ZNF841: variants seen among roughly 807,000 people sequenced by gnomAD.
The protein encoded by ZNF841 is TCONS_00006091.
In ZNF841, 11 loss-of-function variants were observed where a neutral mutation model predicts 13.0. The observed-to-expected ratio is 0.85, with a 90% CI of 0.53 to 1.40. The LOEUF (loss-of-function observed/expected upper bound fraction) is 1.40, where lower values mean the gene tolerates loss of function less well. ZNF841 is among the 40% of genes most tolerant of loss of function. The pLI is 0.00. For missense variants in ZNF841, 1,068 were observed against 1,139.5 expected, an observed-to-expected ratio of 0.94 and a Z score of 0.90; for synonymous variants, 369 against 381.6, an observed-to-expected ratio of 0.97 and a Z score of 0.38.
chr19:52,077,759 T>G (rs1320144425), intron 4 of ZNF841, among the ~76,000 whole-genome samples: 1 of 152,208 alleles, frequency 6.6e-6, no homozygotes, highest in Non-Finnish European at 1.5e-5. Context: ...TCTTTCTGTG[T>G]GGCTATAACG....
chr19:52,072,927 T>G (rs1388106238), intron 6 of ZNF841, among the ~76,000 whole-genome samples: 17 of 151,764 alleles, frequency 1.1e-4, no homozygotes, highest in Admixed American at 1.1e-3. Context: ...AAAATGAAAA[T>G]AGAACATACC....
intron 2 of ZNF841, among the ~76,000 whole-genome samples, chr19:52,090,630 AGAAGGAAGGAAG>A (rs781211199): frequency 1.1e-5 from 1 of 90,562 alleles, no homozygotes. Context: ...AAAGAAAGAA[AGAAGGAAGGAAG>A]GAAGGAAGGA....
chr19:52,081,991 G>A (rs960055569), intron 4 of ZNF841, among the ~76,000 whole-genome samples: 10 of 152,148 alleles, frequency 6.6e-5, no homozygotes, highest in Middle Eastern at 3.4e-3. Context: ...TGACACGGAG[G>A]AAAACAAAAA....
In ZNF841 at chr19:52,066,365, A is replaced by T. The variant is rs566077651; in HGVS notation, c.1517T>A (p.Val506Asp). The T allele has an allele frequency of 1.2e-6, 2 of 1,613,812 alleles. No homozygotes were observed. The highest frequency in any genetic ancestry group is 8.5e-7 in the Non-Finnish European group (1 of 1,179,928). Residue 506 changes from valine (V) to aspartate (D), a missense_variant, in exon 7 of 7, where the codon GTT becomes GAT. Coordinates refer to ENST00000594440, the MANE Select transcript of ZNF841 (RefSeq NM_001136499.2). ...QHSHLAVHQRVHTGEKPYKCN... is the reference protein window; with the variant it reads ...QHSHLAVHQRDHTGEKPYKCN... The stretch of plus-strand genomic sequence containing the variant: ...TTTGTAAGGTTTCTCTCCAGTATGA[A>T]CTCTCTGATGCACTGCAAGATGTGA...
chr19:52,075,834 G>A (rs561463447), intron 6 of ZNF841, among the ~76,000 whole-genome samples: 2 of 152,304 alleles, frequency 1.3e-5, no homozygotes, highest in African/African-American at 4.8e-5. Context: ...TAACAGTCTT[G>A]TACTTTGCTC....
At chr19:52,083,442 A>C (rs2088165033) in intron 4 of ZNF841, among the ~76,000 whole-genome samples, 1 of 150,770 alleles carries the variant, frequency 6.6e-6, no homozygotes, top group African/African-American at 2.4e-5. Context: ...AAAAAAAAAA[A>C]TACTACTATG....
chr19:52,083,912 T>C (rs1405623743), intron 4 of ZNF841, among the ~76,000 whole-genome samples: 1 of 151,936 alleles, frequency 6.6e-6, no homozygotes, highest in African/African-American at 2.4e-5. Flanking sequence ...ACCATCCTTA[T>C]GTTGCATCAC....
At chr19:52,064,203 G>A (rs1443804909), downstream of ZNF841, among the ~76,000 whole-genome samples, 6 of 151,592 alleles carry the variant, frequency 4.0e-5, no homozygotes, top group Admixed American at 1.3e-4. Context: ...AAAATTAGCC[G>A]GGCGCGGTGG....
chr19:52,070,621 T>A (rs542110444), intron 6 of ZNF841, among the ~76,000 whole-genome samples: 1 of 152,278 alleles, frequency 6.6e-6, no homozygotes, highest in African/African-American at 2.4e-5. Flanking sequence ...GATAAACAGT[T>A]TGCTGTTTGA....
downstream of ZNF841, among the ~76,000 whole-genome samples, chr19:52,061,793 A>G (rs1165756361): frequency 6.6e-6 from 1 of 152,066 alleles, no homozygotes; most frequent in Non-Finnish European, 1.5e-5. Context: ...TGATCTGCCC[A>G]GCTCGGCCTC....
At position 52,066,894 on chromosome 19, in the gene ZNF841, A is replaced by C; in HGVS notation, c.988T>G (p.Ser330Ala). Residue 330 changes from serine (S) to alanine (A), a missense_variant, in exon 7 of 7, where the codon TCA (serine) becomes GCA (alanine). By Grantham distance (99) the Ser-to-Ala change is moderately conservative (BLOSUM62 1). Coordinates refer to ENST00000594440, the MANE Select transcript of ZNF841 (RefSeq NM_001136499.2). Reference sequence around the variant, plus strand: ...CTTCTCCGGTGATTTACAAGATCTGAATTTTGTCTGAAGATCCTGCCACAT... The same window carrying C: ...CTTCTCCGGTGATTTACAAGATCTGCATTTTGTCTGAAGATCCTGCCACAT... ...DVCGRIFRQNSDLVNHRRSHT... is the reference protein window; with the variant it reads ...DVCGRIFRQNADLVNHRRSHT... 6.2e-7 allele frequency: 1 copy of C among 1,614,142 alleles called. No homozygotes were observed. The highest frequency in any genetic ancestry group is 8.5e-7 in the Non-Finnish European group (1 of 1,180,024).
At chr19:52,072,540 T>C (rs2087767952) in intron 6 of ZNF841, among the ~76,000 whole-genome samples, 1 of 152,114 alleles carries the variant, frequency 6.6e-6, no homozygotes, top group African/African-American at 2.4e-5. Flanking sequence ...TCAACAAATA[T>C]GTGGAAACAA....
At position 52,076,045 on chromosome 19, in the gene ZNF841, G is replaced by C. The variant is rs144690937; in HGVS notation, c.270C>G (p.Thr90=). 4.2e-5 allele frequency: 65 copies of C among 1,552,006 alleles called. No homozygotes were observed. Among genetic ancestry groups the C allele is most frequent in the African/African-American group, 6.8e-5 (5 of 73,018 alleles). Residue 90 remains threonine (T), a splice_region_variant and synonymous_variant, in exon 6 of 7, where the codon ACC becomes ACG. Coordinates refer to ENST00000594440, the MANE Select transcript of ZNF841 (RefSeq NM_001136499.2). ...CATTGTGCCCATCTGAGCTCTTACC[G>C]GTGATCACGCCTTTCATGCATTCCC... ...NCGECMKGVI[T]GISPKCVIKE... is the part of the protein sequence containing the mutation.
At chr19:52,072,763 G>A (rs1250879699) in intron 6 of ZNF841, among the ~76,000 whole-genome samples, 1 of 152,158 alleles carries the variant, frequency 6.6e-6, no homozygotes, top group African/African-American at 2.4e-5. Context: ...AGGTTGCAGT[G>A]AGCCGAGATT....
chr19:52,067,705 A>G (rs2087626912), intron 6 of ZNF841, 95 bp from the exon 7 acceptor site: 5 of 863,478 alleles, frequency 5.8e-6, no homozygotes, highest in Admixed American at 3.8e-5. Flanking sequence ...TAATGTTTAT[A>G]CTAGCAAGTT....
chr19:52,089,912 G>A (rs934245331), intron 2 of ZNF841, among the ~76,000 whole-genome samples: 2 of 152,080 alleles, frequency 1.3e-5, no homozygotes, highest in African/African-American at 4.8e-5. Context: ...AAAAGGTACA[G>A]GATCTCTGGG....
intron 6 of ZNF841, among the ~76,000 whole-genome samples, chr19:52,071,189 GA>G: frequency 6.6e-6 from 1 of 152,168 alleles, no homozygotes. Flanking sequence ...GATATGGGAA[GA>G]AAACAGATTT....
rs2087594017 is a variant in ZNF841, at chr19:52,066,979, G to A, written c.903C>T (p.Gly301=). Residue 301 remains glycine (G), a synonymous_variant, in exon 7 of 7, where the codon GGC becomes GGT. Coordinates refer to ENST00000594440, the MANE Select transcript of ZNF841 (RefSeq NM_001136499.2). ...CTATCTGATGTACTGTTAGTAGTGA[G>A]CCCCGATGAAAGGCTTTACCAGACT... The part of the protein sequence containing the change: ...CNESGKAFHR[G]SLLTVHQIVH... 6.2e-7 allele frequency: 1 copy of A among 1,614,050 alleles called. No individual in the cohort carries two copies. Among genetic ancestry groups the A allele is most frequent in the Admixed American group, 1.7e-5 (1 of 60,020 alleles).
intron 4 of ZNF841, among the ~76,000 whole-genome samples, chr19:52,081,777 C>T (rs1408287211): frequency 6.6e-6 from 1 of 152,052 alleles, no homozygotes; most frequent in African/African-American, 2.4e-5. Flanking sequence ...TCATTTGAAC[C>T]CGGGAGGCAG....
Sources: allele counts gnomAD v4.1 joint callset (sites outside exome capture counted in the v4.1 genomes callset), GRCh38; gene constraint gnomAD v4.1.1; transcripts MANE v1.5; gene names NCBI Gene and HGNC (gene_info 2026-07-23, HGNC 2026-07-21).